KNL1: variants seen among roughly 807,000 people sequenced by gnomAD.
The protein encoded by KNL1 is kinetochore scaffold 1, also known as outer kinetochore KNL1 complex subunit KNL1.
A neutral mutation model predicts 201.3 loss-of-function variants in KNL1; 66 were observed. The ratio of observed to expected loss-of-function variants is 0.33; its 90% confidence interval spans 0.27 to 0.40. The LOEUF (loss-of-function observed/expected upper bound fraction) is 0.40, where lower values mean the gene tolerates loss of function less well. Among genes scored for constraint, KNL1 ranks in the 10% least tolerant of loss-of-function variants. The pLI is 1.00. For synonymous variants in KNL1, 895 were observed against 899.2 expected (o/e 1.00, Z 0.08); for missense variants, 2,815 against 2,690.5 (o/e 1.05, Z -1.02).
chr15:40,640,894 C>T lies in KNL1; in HGVS notation c.5683-18C>T. ...TCTGCAAGATACCAGTTCTCAGGGA[C>T]TGAATTTTTTTTTCCAGTTTACTGT... On this transcript the variant is annotated intron_variant, in intron 13 of 25. Transcript: ENST00000399668. 2.0e-6 allele frequency: 3 copies of T among 1,469,286 alleles called. No homozygotes were observed. Among genetic ancestry groups the T allele is most frequent in the Non-Finnish European group, 2.8e-6 (3 of 1,052,924 alleles). 91.0% of individuals were successfully genotyped at this position (1,469,286 alleles called of 1,614,324 possible). A position where few individuals can be genotyped will look rare whatever the true frequency, so the allele number is the denominator to read the frequency against.
intron 1 of KNL1, among the ~76,000 whole-genome samples, chr15:40,595,176 C>T (rs1891587401): frequency 6.6e-6 from 1 of 152,218 alleles, no homozygotes; most frequent in Admixed American, 6.5e-5. Flanking sequence ...CCGTCGAATC[C>T]TGTAGATATT....
intron 7 of KNL1, among the ~76,000 whole-genome samples, chr15:40,615,056 G>T (rs1213031792): frequency 6.6e-6 from 1 of 152,146 alleles, no homozygotes; most frequent in Non-Finnish European, 1.5e-5. Flanking sequence ...AGCCACCACG[G>T]CTGGCTGATA....
intron 7 of KNL1, among the ~76,000 whole-genome samples, chr15:40,613,241 A>T (rs762018950): frequency 6.6e-6 from 1 of 152,156 alleles, no homozygotes; most frequent in Non-Finnish European, 1.5e-5. Context: ...TAAAACAGGG[A>T]AGAAGAAAAG....
chr15:40,598,622 T>C (rs1188652809), intron 1 of KNL1, among the ~76,000 whole-genome samples: 2 of 151,918 alleles, frequency 1.3e-5, no homozygotes, highest in Admixed American at 6.6e-5. Context: ...GTTGGGGATA[T>C]TGGGGATATA....
chr15:40,636,871 T>C (rs1016657416), intron 13 of KNL1, among the ~76,000 whole-genome samples: 4 of 152,052 alleles, frequency 2.6e-5, no homozygotes, highest in African/African-American at 9.7e-5. Context: ...AACCCTCCAT[T>C]TCCCCTCCCC....
intron 22 of KNL1, among the ~76,000 whole-genome samples, chr15:40,655,906 A>G (rs1391865991): frequency 7.0e-6 from 1 of 143,012 alleles, no homozygotes. Flanking sequence ...ACAAAATGAG[A>G]CTCCGTCTCA....
chr15:40,613,542 A>G (rs1328623476), intron 7 of KNL1, among the ~76,000 whole-genome samples: 5 of 152,186 alleles, frequency 3.3e-5, no homozygotes, highest in Non-Finnish European at 7.3e-5. Flanking sequence ...AAGGAAAAAT[A>G]ATTTTTTAAA....
chr15:40,612,331 A>T (rs28798094), intron 7 of KNL1, among the ~76,000 whole-genome samples: 2 of 148,728 alleles, frequency 1.3e-5, no homozygotes, highest in Non-Finnish European at 3.0e-5. Context: ...AACAAAAAAA[A>T]CCCCAAAAAA....
chr15:40,597,073 G>T (rs1286423994), intron 1 of KNL1, among the ~76,000 whole-genome samples: 2 of 149,494 alleles, frequency 1.3e-5, no homozygotes, highest in African/African-American at 2.5e-5. Context: ...TTACAGTGAT[G>T]TTATTAAAAC....
chr15:40,651,295 TAA>T (rs869083504), intron 19 of KNL1, among the ~76,000 whole-genome samples, 174 bp from the exon 20 acceptor site: 4 of 22,644 alleles, frequency 1.8e-4, no homozygotes, highest in African/African-American at 3.6e-4. Flanking sequence ...AATGCTTATA[TAA>T]AAAAAAAAAA....
chr15:40,644,891 C>T (rs1893339550), intron 14 of KNL1, 106 bp from the exon 15 acceptor site: 2 of 632,614 alleles, frequency 3.2e-6, no homozygotes, highest in Admixed American at 2.5e-5. Flanking sequence ...AAGTACAGGT[C>T]TTTTTCCAAA....
At chr15:40,629,437 A>G (rs1040650724) in intron 13 of KNL1, 66 bp downstream of exon 13, 3 of 952,520 alleles carry the variant, frequency 3.1e-6, no homozygotes, top group Non-Finnish European at 4.6e-6. Context: ...CACAAAAAGA[A>G]TGGAAGAGAG....
chr15:40,646,963 C>A, intron 16 of KNL1, 24 bp from the exon 17 acceptor site: 1 of 966,514 alleles, frequency 1.0e-6, no homozygotes, highest in Non-Finnish European at 1.7e-6. Flanking sequence ...TTTAACTTGA[C>A]AGTCTATAAT....
intron 24 of KNL1, 134 bp downstream of exon 24, chr15:40,657,607 T>C: frequency 1.7e-6 from 1 of 585,266 alleles, no homozygotes; most frequent in East Asian, 2.8e-5. Flanking sequence ...TTAGAATCTG[T>C]CCATGCCTTC....
chr15:40,610,438 C>T lies in KNL1; in HGVS notation c.250+141C>T, dbSNP rs560002639. The T allele has an allele frequency of 2.6e-4, 158 of 604,026 alleles. No homozygotes were observed. The South Asian group carries it at 3.1e-3, about 12-fold the overall frequency. The allele number at this position is 604,026 out of a possible 1,614,324, so 37.4% of individuals were successfully genotyped here. ...ATGGGCCATGCATAGTGGTTCACACCTGTGATCCCGACACTTTGGCAGTCT... is the reference window on the plus strand; with the variant it reads ...ATGGGCCATGCATAGTGGTTCACACTTGTGATCCCGACACTTTGGCAGTCT... On this transcript the variant is annotated intron_variant, in intron 6 of 25. Transcript: ENST00000399668.
chr15:40,655,429 A>G (rs1473212509), intron 22 of KNL1, among the ~76,000 whole-genome samples: 5 of 151,508 alleles, frequency 3.3e-5, no homozygotes, highest in Non-Finnish European at 4.4e-5. Context: ...CATCTCTACT[A>G]AAAATACAGA....
At chr15:40,646,506 A>C (rs1893385092) in intron 16 of KNL1, among the ~76,000 whole-genome samples, 1 of 152,050 alleles carries the variant, frequency 6.6e-6, no homozygotes, top group Admixed American at 6.5e-5. Flanking sequence ...TTATTTTAAT[A>C]AAATTTACTT....
Position 40,623,094 on chromosome 15 carries a change from G to C in KNL1, c.2830G>C (p.Val944Leu). Residue 944 changes from valine (V) to leucine (L), a missense_variant, in exon 10 of 26, where the codon GTG (valine) becomes CTG (leucine). Physicochemically the swap from Val to Leu is conservative, Grantham distance 32. Around this residue, in one of 3 missense-constraint regions of KNL1, gnomAD observed 2,464 missense variants for 2,291.7 expected, o/e 1.08. Coordinates refer to ENST00000399668, the MANE Select transcript of KNL1 (RefSeq NM_144508.5). ...TACTAGGCCTATGGACAAAACTGTA[G>C]TGTTTGTAGATAATCATGTTGAACT... The part of the protein sequence containing the change: ...ITTRPMDKTV[V>L]FVDNHVELEM... The C allele has an allele frequency of 6.2e-7, 1 of 1,613,794 alleles. No homozygotes were observed. Among genetic ancestry groups the C allele is most frequent in the South Asian group, 1.1e-5 (1 of 91,066 alleles).
Position 40,621,131 on chromosome 15 carries a change from C to G in KNL1, c.867C>G (p.Ala289=). Residue 289 remains alanine (A), a synonymous_variant, in exon 10 of 26, where the codon GCC becomes GCG. Transcript: ENST00000399668. ...TGAATTTCACCCAGTGTCATACAGCCAATATTCAGACATTGATTCCCACAT... is the reference window on the plus strand; with the variant it reads ...TGAATTTCACCCAGTGTCATACAGCGAATATTCAGACATTGATTCCCACAT... ...DGMNFTQCHT[A]NIQTLIPTSS... 6.2e-7 allele frequency: 1 copy of G among 1,613,752 alleles called. No individual in the cohort carries two copies.
Sources: allele counts gnomAD v4.1 joint callset (sites outside exome capture counted in the v4.1 genomes callset), GRCh38; gene constraint gnomAD v4.1.1; regional missense constraint gnomAD v4.1.1; transcripts MANE v1.5; gene names NCBI Gene and HGNC (gene_info 2026-07-23, HGNC 2026-07-21).